TMEM178A: variants seen among roughly 807,000 people sequenced by gnomAD.
TMEM178A encodes the protein transmembrane protein 178A.
Under a neutral mutation model 29.1 loss-of-function variants are expected in TMEM178A, and 12 were observed. The ratio of observed to expected loss-of-function variants is 0.41; its 90% CI spans 0.26 to 0.67. TMEM178A has a LOEUF of 0.67. Among genes scored for constraint, TMEM178A ranks in the 30% least tolerant of loss-of-function variants. The probability of loss-of-function intolerance (pLI) is 0.29; values close to 1 mark genes in which losing one functional copy is unlikely to be tolerated. For synonymous variants in TMEM178A, 210 were observed against 187.2 expected, an observed-to-expected ratio of 1.12 and a Z score of -0.99; for missense variants, 366 against 419.1, an observed-to-expected ratio of 0.87 and a Z score of 1.11.
chr2:39,682,119 C>G (rs985558208), intron 1 of TMEM178A, among the ~76,000 whole-genome samples: 6 of 152,202 alleles, frequency 3.9e-5, no homozygotes, highest in Non-Finnish European at 8.8e-5. Flanking sequence ...CTTGGAGCAT[C>G]AGGAAGTACA....
intron 3 of TMEM178A, among the ~76,000 whole-genome samples, chr2:39,714,388 T>G (rs1282762689): frequency 6.6e-6 from 1 of 152,058 alleles, no homozygotes; most frequent in Non-Finnish European, 1.5e-5. Flanking sequence ...GAGATAACAC[T>G]TAAATTAATA....
chr2:39,673,329 G>C (rs1439201301), intron 1 of TMEM178A, among the ~76,000 whole-genome samples: 1 of 152,226 alleles, frequency 6.6e-6, no homozygotes, highest in Non-Finnish European at 1.5e-5. Flanking sequence ...ACCCATCAGG[G>C]AATGCATTAG....
At chr2:39,673,564 T>C (rs1670492124) in intron 1 of TMEM178A, among the ~76,000 whole-genome samples, 1 of 152,224 alleles carries the variant, frequency 6.6e-6, no homozygotes, top group Admixed American at 6.5e-5. Flanking sequence ...TGACATTCTA[T>C]AGCTAGGGAA....
At chr2:39,730,542 C>A in the TMEM178A span, among the ~76,000 whole-genome samples, 2 of 152,200 alleles carry the variant, frequency 1.3e-5, no homozygotes, top group African/African-American at 4.8e-5. Context: ...ATGCATTCCC[C>A]TAGTGAAAGC....
the TMEM178A span, among the ~76,000 whole-genome samples, chr2:39,731,197 T>C: frequency 6.6e-5 from 10 of 152,210 alleles, no homozygotes; most frequent in African/African-American, 9.6e-5. Flanking sequence ...ACAGAGTAAA[T>C]AGTTATTCCA....
chr2:39,667,794 A>G (rs1473239633), intron 1 of TMEM178A, among the ~76,000 whole-genome samples: 2 of 152,140 alleles, frequency 1.3e-5, no homozygotes, highest in Non-Finnish European at 2.9e-5. Flanking sequence ...GAAGTGCACC[A>G]TTTTCTTTTC....
chr2:39,716,366 C>G (rs1672536490), intron 3 of TMEM178A, among the ~76,000 whole-genome samples: 1 of 152,108 alleles, frequency 6.6e-6, no homozygotes, highest in African/African-American at 2.4e-5. Context: ...TTGGGTCTGT[C>G]CATGTTCCTT....
At chr2:39,706,114 A>G (rs914764607) in intron 2 of TMEM178A, among the ~76,000 whole-genome samples, 12 of 152,258 alleles carry the variant, frequency 7.9e-5, no homozygotes, top group Admixed American at 6.5e-5. Flanking sequence ...CTGGTTTAGC[A>G]GTTGGAGGCA....
chr2:39,687,555 C>G (rs1216106064), intron 1 of TMEM178A: 1 of 161,514 alleles, frequency 6.2e-6, no homozygotes, highest in African/African-American at 2.4e-5. Context: ...TTCCTAGTCA[C>G]TTCTGTGCCC....
chr2:39,712,448 A>G (rs1572696703), intron 3 of TMEM178A, among the ~76,000 whole-genome samples: 1 of 152,242 alleles, frequency 6.6e-6, no homozygotes, highest in African/African-American at 2.4e-5. Context: ...GGATGATAGC[A>G]TAAATTTACT....
intron 1 of TMEM178A, among the ~76,000 whole-genome samples, chr2:39,698,682 G>A (rs898386408): frequency 6.2e-5 from 9 of 145,510 alleles, no homozygotes; most frequent in African/African-American, 2.3e-4. Context: ...GAAGTAGGAA[G>A]TTTCCTTCAT....
chr2:39,709,041 A>G (rs1032687099), intron 3 of TMEM178A, among the ~76,000 whole-genome samples: 1 of 152,186 alleles, frequency 6.6e-6, no homozygotes, highest in Admixed American at 6.5e-5. Flanking sequence ...CTGTTATTCA[A>G]GTGACTATGC....
intron 1 of TMEM178A, among the ~76,000 whole-genome samples, chr2:39,700,843 T>A (rs1671749020): frequency 6.6e-6 from 1 of 152,002 alleles, no homozygotes; most frequent in South Asian, 2.1e-4. Flanking sequence ...ATATTTTTTT[T>A]TTGTTATTTT....
At chr2:39,726,090 T>G in the TMEM178A span, among the ~76,000 whole-genome samples, 1 of 151,954 alleles carries the variant, frequency 6.6e-6, no homozygotes, top group Non-Finnish European at 1.5e-5. Flanking sequence ...GTAAAAAATC[T>G]TCCTTCAGGG....
downstream of TMEM178A, among the ~76,000 whole-genome samples, chr2:39,719,347 T>G (rs1267352613): frequency 6.6e-6 from 1 of 152,056 alleles, no homozygotes; most frequent in Non-Finnish European, 1.5e-5. Flanking sequence ...GGGTTTGAGG[T>G]GAGAGTGGAA....
the TMEM178A span, among the ~76,000 whole-genome samples, chr2:39,726,941 A>G: frequency 7.9e-5 from 12 of 152,344 alleles, no homozygotes; most frequent in African/African-American, 2.9e-4. Context: ...ATTACACTTC[A>G]AATCTCCTGA....
chr2:39,690,708 A>G (rs991633575), intron 1 of TMEM178A, among the ~76,000 whole-genome samples: 1 of 152,228 alleles, frequency 6.6e-6, no homozygotes, highest in Non-Finnish European at 1.5e-5. Flanking sequence ...TAACACTACT[A>G]AAAGAAAAAA....
the TMEM178A span, among the ~76,000 whole-genome samples, chr2:39,732,165 GGGA>G: frequency 5.3e-5 from 8 of 152,160 alleles, no homozygotes; most frequent in African/African-American, 1.2e-4. Context: ...TCTGCTCCCT[GGGA>G]GGAGAACTTC....
At position 39,717,370 on chromosome 2, in the gene TMEM178A, T is replaced by A; in HGVS notation, c.*119T>A. The A allele has an allele frequency of 7.1e-7, 1 of 1,398,938 alleles. No homozygotes were observed. Among genetic ancestry groups the A allele is most frequent in the Non-Finnish European group, 9.5e-7 (1 of 1,050,192 alleles). The allele number at this position is 1,398,938 out of a possible 1,614,324, so 86.7% of individuals were successfully genotyped here. ...CAACCTGTTGCCTGCCAGCCCTTTC[T>A]GGATTACTGATAGAAAATCATGCAA... On this transcript the variant is annotated 3_prime_UTR_variant, in exon 4 of 4. Coordinates refer to ENST00000281961, the MANE Select transcript of TMEM178A (RefSeq NM_152390.3).
Sources: gnomAD v4.1 joint callset for allele counts (sites outside exome capture counted in the v4.1 genomes callset) on GRCh38, gnomAD v4.1.1 for gene constraint, MANE v1.5 for transcripts, NCBI Gene and HGNC (gene_info 2026-07-23, HGNC 2026-07-21) for gene names.